EMB: variants seen among roughly 807,000 people sequenced by gnomAD.
The protein encoded by EMB is embigin homolog.
Under a neutral mutation model 41.4 loss-of-function variants are expected in EMB, and 31 were observed. That is an observed-to-expected ratio of 0.75 (90% CI 0.56 to 1.01). The LOEUF (loss-of-function observed/expected upper bound fraction) is 1.01, where lower values mean the gene tolerates loss of function less well. EMB is among the 50% of genes least tolerant of loss of function. The pLI is 0.00. For synonymous variants in EMB, 137 were observed against 140.4 expected (o/e 0.98, Z 0.17); for missense variants, 379 against 388.3 (o/e 0.98, Z 0.20).
At chr5:50,436,214 A>G (rs532552301) in intron 1 of EMB, among the ~76,000 whole-genome samples, 1 of 152,308 alleles carries the variant, frequency 6.6e-6, no homozygotes, top group South Asian at 2.1e-4. Flanking sequence ...TTCATCATAC[A>G]TATATTTACA....
At chr5:50,419,404 T>TCATTTGATTCCCCAGTACAAGAAC (rs1275728747) in intron 2 of EMB, among the ~76,000 whole-genome samples, 2 of 152,196 alleles carry the variant, frequency 1.3e-5, no homozygotes, top group African/African-American at 4.8e-5. Flanking sequence ...CAATGTCATA[T>TCATTTGATTCCCCAGTACAAGAAC]CATTTGATTC....
chr5:50,410,173 GAT>G (rs1460027661), intron 4 of EMB, among the ~76,000 whole-genome samples: 1 of 152,110 alleles, frequency 6.6e-6, no homozygotes, highest in Non-Finnish European at 1.5e-5. Context: ...TATGGCGACA[GAT>G]TGCATTTCCC....
At chr5:50,429,972 C>T (rs368542356) in intron 1 of EMB, among the ~76,000 whole-genome samples, 38 of 30,824 alleles carry the variant, frequency 1.2e-3, no homozygotes, top group South Asian at 3.8e-3. Context: ...CTCTCTTTCT[C>T]TCTCTCTCTC....
At chr5:50,442,183 G>A (rs1255434087), upstream of EMB, among the ~76,000 whole-genome samples, 4 of 150,726 alleles carry the variant, frequency 2.7e-5, no homozygotes, top group Admixed American at 6.6e-5. Context: ...TTTCACATTC[G>A]TAAATTCAAA....
intron 1 of EMB, among the ~76,000 whole-genome samples, chr5:50,435,237 C>T (rs1275995585): frequency 6.6e-6 from 1 of 152,148 alleles, no homozygotes; most frequent in Non-Finnish European, 1.5e-5. Flanking sequence ...CTTCATGCCC[C>T]ACTAAAACAT....
chr5:50,397,433 T>A lies in EMB; in HGVS notation c.*1840A>T, dbSNP rs556626644. On this transcript the variant is annotated 3_prime_UTR_variant, in exon 9 of 9. Coordinates refer to ENST00000303221, the MANE Select transcript of EMB (RefSeq NM_198449.3). ...TAGAAATATTCCTGATTATTTTACC[T>A]TTGGGAAGCAATGCTTGTTGCTTGA... is the stretch of plus-strand genomic sequence containing the variant. 6.6e-6 allele frequency: 1 copy of A among 152,288 alleles called. No homozygotes were observed. Among genetic ancestry groups the A allele is most frequent in the East Asian group, 1.9e-4 (1 of 5,180 alleles). 9.4% of individuals were successfully genotyped at this position (152,288 alleles called of 1,614,324 possible).
rs1745346130 is a variant in EMB at position 50,412,004 on chromosome 5, T to TCATGAGG, written c.197-622_197-621insCCTCATG. On this transcript the variant is annotated intron_variant, in intron 2 of 8. Transcript: ENST00000303221. ...ATATCAGTATGAATTCATGAGGTGT[T>TCATGAGG]TATCCTTCTTTTTGACTTTCAAAAT... is the stretch of plus-strand genomic sequence containing the variant. 3 of 152,270 alleles carry TCATGAGG rather than the reference T, an allele frequency of 2.0e-5. No homozygotes were observed. In the South Asian group the frequency reaches 6.2e-4, roughly 32 times the overall value. The allele number at this position is 152,270 out of a possible 1,614,324, so 9.4% of individuals were successfully genotyped here. A position where few individuals can be genotyped will look rare whatever the true frequency, so the allele number is the denominator to read the frequency against.
At chr5:50,430,218 G>A (rs1426147193) in intron 1 of EMB, among the ~76,000 whole-genome samples, 2 of 152,208 alleles carry the variant, frequency 1.3e-5, no homozygotes, top group South Asian at 2.1e-4. Context: ...GAAGGAAACC[G>A]CTATTCTACT....
chr5:50,440,268 T>G (rs1463533664), intron 1 of EMB, among the ~76,000 whole-genome samples: 1 of 152,176 alleles, frequency 6.6e-6, no homozygotes, highest in African/African-American at 2.4e-5. Context: ...GTGAGGTGGC[T>G]CACGCCTGTA....
intron 4 of EMB, among the ~76,000 whole-genome samples, chr5:50,407,379 T>C (rs1037454858): frequency 6.6e-5 from 10 of 152,102 alleles, no homozygotes; most frequent in African/African-American, 2.4e-4. Flanking sequence ...TTGAGTATTC[T>C]GAGATTTGAT....
At chr5:50,417,073 C>T (rs983782061) in intron 2 of EMB, among the ~76,000 whole-genome samples, 5 of 152,140 alleles carry the variant, frequency 3.3e-5, no homozygotes, top group Admixed American at 1.3e-4. Flanking sequence ...GATTTTTCTA[C>T]CACCAGCTCA....
chr5:50,428,637 G>T (rs1745663102), intron 1 of EMB: 1 of 984,240 alleles, frequency 1.0e-6, no homozygotes, highest in Non-Finnish European at 1.2e-6. Context: ...TTAATAAAGA[G>T]AATTAAAAAA....
chr5:50,429,230 C>T (rs974309682), intron 1 of EMB, among the ~76,000 whole-genome samples: 16 of 152,210 alleles, frequency 1.1e-4, no homozygotes, highest in African/African-American at 3.6e-4. Flanking sequence ...TTTTAGAGTA[C>T]CAGACCTTAC....
chr5:50,420,757 G>A (rs1484886049), intron 2 of EMB, among the ~76,000 whole-genome samples: 1 of 152,114 alleles, frequency 6.6e-6, no homozygotes, highest in African/African-American at 2.4e-5. Flanking sequence ...TGTAGCTCCC[G>A]GAATACAGTA....
chr5:50,441,176 C>G lies in EMB; in HGVS notation c.-25G>C. 1 of 1,353,406 alleles carries G rather than the reference C, an allele frequency of 7.4e-7. No individual in the cohort carries two copies. The highest frequency in any genetic ancestry group is 9.7e-7 in the Non-Finnish European group (1 of 1,032,276). 83.8% of individuals were successfully genotyped at this position (1,353,406 alleles called of 1,614,324 possible). Reference sequence around the variant, plus strand: ...TGGCGCCAGAGGGTCCGCCTGGGTCCTCGTGGAGACTGCTCCCTCAGCTCG... The same window carrying G: ...TGGCGCCAGAGGGTCCGCCTGGGTCGTCGTGGAGACTGCTCCCTCAGCTCG... On this transcript the variant is annotated 5_prime_UTR_variant, in exon 1 of 9. Coordinates refer to ENST00000303221, the MANE Select transcript of EMB (RefSeq NM_198449.3).
At position 50,421,452 on chromosome 5, in the gene EMB, G is replaced by A. The variant is rs532135733; in HGVS notation, c.196+6692C>T. ...ACACTTTTACACTGTTGGTGGGACT[G>A]TAAACTAGTTCAACCATTGTGGAAG... On this transcript the variant is annotated intron_variant, in intron 2 of 8. Coordinates refer to ENST00000303221, the MANE Select transcript of EMB (RefSeq NM_198449.3). Among the ~76,000 whole-genome samples, 8 of 152,188 alleles carry A rather than the reference G, an allele frequency of 5.3e-5. No homozygotes were observed. In the South Asian group the frequency reaches 1.7e-3, roughly 32 times the overall value.
intron 1 of EMB, among the ~76,000 whole-genome samples, chr5:50,436,703 C>G (rs1273813352): frequency 6.6e-6 from 1 of 152,194 alleles, no homozygotes; most frequent in Non-Finnish European, 1.5e-5. Flanking sequence ...GCCCTCCTGC[C>G]TGATGCCATC....
At chr5:50,428,261 T>TG in intron 1 of EMB, 34 bp from the exon 2 acceptor site, 5 of 1,490,710 alleles carry the variant, frequency 3.4e-6, no homozygotes, top group Non-Finnish European at 4.7e-6. Context: ...TACACACTCT[T>TG]ATCAAGAGTA....
At chr5:50,421,369 G>A (rs1192148061) in intron 2 of EMB, among the ~76,000 whole-genome samples, 4 of 152,190 alleles carry the variant, frequency 2.6e-5, no homozygotes, top group African/African-American at 9.7e-5. Flanking sequence ...CAGTTAGAAT[G>A]GCCATCATTA....
Sources: allele counts gnomAD v4.1 joint callset (sites outside exome capture counted in the v4.1 genomes callset), GRCh38; gene constraint gnomAD v4.1.1; transcripts MANE v1.5; gene names NCBI Gene and HGNC (gene_info 2026-07-23, HGNC 2026-07-21).